Variants in NBAS observed in about 807,000 individuals in gnomAD.
NBAS encodes NBAS subunit of NRZ tethering complex.
In NBAS, 219 loss-of-function variants were observed where a neutral mutation model predicts 302.5. The ratio of observed to expected loss-of-function variants is 0.72; its 90% CI spans 0.65 to 0.81. The LOEUF (loss-of-function observed/expected upper bound fraction) is 0.81, where lower values mean the gene tolerates loss of function less well. Among genes scored for constraint, NBAS ranks in the 30% least tolerant of loss-of-function variants. The pLI is 0.00. For synonymous variants in NBAS, 1,118 were observed against 1,021.6 expected (o/e 1.09, Z -1.80); for missense variants, 2,932 against 2,841.6 (o/e 1.03, Z -0.72).
At chr2:14,799,246 A>G in the NBAS span, among the ~76,000 whole-genome samples, 3 of 151,966 alleles carry the variant, frequency 2.0e-5, no homozygotes, top group Non-Finnish European at 2.9e-5. Context: ...ATCAATCACA[A>G]ATTTTGACAG....
chr2:15,548,286 T>C (rs891491335), intron 6 of NBAS, among the ~76,000 whole-genome samples: 11 of 152,274 alleles, frequency 7.2e-5, no homozygotes, highest in African/African-American at 2.4e-4. Flanking sequence ...GGGTGAGATA[T>C]GGCCCCTGCC....
the NBAS span, among the ~76,000 whole-genome samples, chr2:15,020,158 G>A: frequency 3.9e-5 from 6 of 152,184 alleles, no homozygotes; most frequent in Admixed American, 6.5e-5. Flanking sequence ...GCTCCAAAGG[G>A]AAGAGAGTTT....
rs1176578293 is a variant in NBAS at position 15,468,457 on chromosome 2, T to C, written c.1802A>G (p.Glu601Gly). 5 of 1,613,962 alleles carry C rather than the reference T, an allele frequency of 3.1e-6. No homozygotes were observed. The highest frequency in any genetic ancestry group is 1.6e-4 in the Middle Eastern group (1 of 6,082). The change falls in exon 17 of 52, where the codon GAA (glutamate) becomes GGA (glycine). Residue 601 changes from glutamate to glycine, a missense_variant. Coordinates refer to ENST00000281513, the MANE Select transcript of NBAS (RefSeq NM_015909.4). ...GCCTTTTAATCCATACTGAAGCAGT[T>C]CTTTTGCAGCATCCACATTTTCAGG... is the stretch of plus-strand genomic sequence containing the variant. ...RVPENVDAAK[E>G]LLQYGLKGTD...
intron 7 of NBAS, 78 bp downstream of exon 7, chr2:15,539,145 T>C (rs1663669324): frequency 6.4e-7 from 1 of 1,572,166 alleles, no homozygotes; most frequent in Non-Finnish European, 8.7e-7. Flanking sequence ...TATCCCCCCC[T>C]TCACACTCTT....
At chr2:15,321,231 T>C (rs1024483843) in intron 38 of NBAS, among the ~76,000 whole-genome samples, 118 of 152,280 alleles carry the variant, frequency 7.7e-4, no homozygotes, top group African/African-American at 2.7e-3. Context: ...TTACACCTTA[T>C]ACAAAAATTA....
chr2:14,839,535 A>G, the NBAS span, among the ~76,000 whole-genome samples: 1 of 152,102 alleles, frequency 6.6e-6, no homozygotes, highest in Non-Finnish European at 1.5e-5. Flanking sequence ...AACAAATCAG[A>G]GTAGCAGTTC....
chr2:14,961,132 C>G, the NBAS span, among the ~76,000 whole-genome samples: 2 of 152,224 alleles, frequency 1.3e-5, no homozygotes, highest in African/African-American at 4.8e-5. Context: ...TCAGCTGCCC[C>G]CTAGTTTCCA....
At chr2:15,488,837 T>C (rs984522430) in intron 12 of NBAS, 57 bp downstream of exon 12, 1 of 1,597,308 alleles carries the variant, frequency 6.3e-7, no homozygotes, top group Non-Finnish European at 8.6e-7. Context: ...AAAATAAAAT[T>C]AGTATTGTCA....
the NBAS span, among the ~76,000 whole-genome samples, chr2:14,973,055 CTT>C: frequency 6.6e-6 from 1 of 152,190 alleles, no homozygotes; most frequent in East Asian, 1.9e-4. Context: ...CCCTGATCCT[CTT>C]TTCTAATGCC....
intron 46 of NBAS, among the ~76,000 whole-genome samples, chr2:15,234,202 T>C (rs566643759): frequency 1.3e-5 from 2 of 152,306 alleles, no homozygotes; most frequent in East Asian, 3.9e-4. Flanking sequence ...GAATTAGAAA[T>C]GGTAAGATCT....
the NBAS span, among the ~76,000 whole-genome samples, chr2:15,083,866 C>T: frequency 1.3e-5 from 2 of 152,120 alleles, no homozygotes; most frequent in African/African-American, 4.8e-5. Flanking sequence ...TTCACTTACC[C>T]GATCTGCAAC....
intron 44 of NBAS, among the ~76,000 whole-genome samples, chr2:15,254,322 T>C (rs1189221249): frequency 6.6e-6 from 1 of 152,092 alleles, no homozygotes; most frequent in Non-Finnish European, 1.5e-5. Flanking sequence ...AACCTTAACC[T>C]AGAAGGCTTC....
intron 44 of NBAS, among the ~76,000 whole-genome samples, chr2:15,257,400 C>CTTTT: frequency 7.4e-6 from 1 of 135,188 alleles, no homozygotes; most frequent in South Asian, 2.4e-4. Context: ...CATTTAATTT[C>CTTTT]TTTTTTTTTT....
intron 11 of NBAS, among the ~76,000 whole-genome samples, chr2:15,498,417 G>A (rs1365895338): frequency 6.6e-6 from 1 of 152,138 alleles, no homozygotes; most frequent in Non-Finnish European, 1.5e-5. Context: ...CATTTAAAAT[G>A]GGACTATTCA....
chr2:15,486,590 C>T (rs1024507608), intron 12 of NBAS, among the ~76,000 whole-genome samples: 5 of 152,188 alleles, frequency 3.3e-5, no homozygotes, highest in African/African-American at 1.2e-4. Flanking sequence ...AGCCTGAATG[C>T]CTCTCTTCCT....
At chr2:15,097,083 G>A in the NBAS span, among the ~76,000 whole-genome samples, 304 of 152,294 alleles carry the variant, frequency 2.0e-3, no homozygotes, top group Non-Finnish European at 2.8e-3. Context: ...GTGACTCTGG[G>A]AACCAGGGTA....
At chr2:14,841,752 A>G in the NBAS span, among the ~76,000 whole-genome samples, 2 of 151,956 alleles carry the variant, frequency 1.3e-5, 1 homozygote, top group Admixed American at 1.3e-4. Context: ...AGTGGACTTC[A>G]ACACCCCATT....
the NBAS span, among the ~76,000 whole-genome samples, chr2:15,063,378 C>T: frequency 6.6e-6 from 1 of 151,954 alleles, no homozygotes; most frequent in South Asian, 2.1e-4. Flanking sequence ...TCTGACCCTC[C>T]TCTGAGCTCC....
chr2:15,037,523 A>C, the NBAS span, among the ~76,000 whole-genome samples: 1 of 152,370 alleles, frequency 6.6e-6, no homozygotes. Flanking sequence ...TGAAACCTGA[A>C]ACTTTTACAC....
Sources: allele counts gnomAD v4.1 joint callset (sites outside exome capture counted in the v4.1 genomes callset), GRCh38; gene constraint gnomAD v4.1.1; transcripts MANE v1.5; gene names NCBI Gene and HGNC (gene_info 2026-07-23, HGNC 2026-07-21).